Variants in KCNH7 observed in about 807,000 individuals in gnomAD.
The protein encoded by KCNH7 is potassium voltage-gated channel subfamily H member 7, also known as voltage-gated inwardly rectifying potassium channel KCNH7.
Under a neutral mutation model 120.8 loss-of-function variants are expected in KCNH7, and 49 were observed. That is an observed-to-expected ratio of 0.41 (90% CI 0.32 to 0.51). The LOEUF is 0.51. KCNH7 is among the 20% of genes least tolerant of loss of function. KCNH7 has a pLI of 0.38. For synonymous variants in KCNH7, 547 were observed against 516.1 expected, an observed-to-expected ratio of 1.06 and a Z score of -0.81; for missense variants, 1,097 against 1,446.6, an observed-to-expected ratio of 0.76 and a Z score of 3.92.
At chr2:162,414,145 A>T (rs1558932707) in intron 9 of KCNH7, among the ~76,000 whole-genome samples, 1 of 152,046 alleles carries the variant, frequency 6.6e-6, no homozygotes, top group African/African-American at 2.4e-5. Context: ...GGAAGGGGGA[A>T]AAGTACCAAC....
intron 2 of KCNH7, among the ~76,000 whole-genome samples, chr2:162,697,102 G>A (rs1314584393): frequency 1.3e-5 from 2 of 152,040 alleles, no homozygotes; most frequent in African/African-American, 2.4e-5. Flanking sequence ...ACCAATAAAT[G>A]TATAGGTCTA....
intron 2 of KCNH7, among the ~76,000 whole-genome samples, chr2:162,827,839 C>G (rs138469668): frequency 1.3e-5 from 2 of 152,086 alleles, no homozygotes; most frequent in African/African-American, 4.8e-5. Context: ...AATGGGATAA[C>G]GTCTGCTCCC....
At chr2:162,699,245 C>G (rs923043557) in intron 2 of KCNH7, among the ~76,000 whole-genome samples, 1 of 152,096 alleles carries the variant, frequency 6.6e-6, no homozygotes, top group African/African-American at 2.4e-5. Flanking sequence ...ACTGCAATCC[C>G]TGGTAACCAC....
At chr2:162,531,697 TAG>T (rs1691930605) in intron 3 of KCNH7, among the ~76,000 whole-genome samples, 1 of 151,960 alleles carries the variant, frequency 6.6e-6, no homozygotes, top group Non-Finnish European at 1.5e-5. Context: ...GTAATTCTGA[TAG>T]AGTTTTCTCC....
At chr2:162,830,702 G>A (rs755143662) in intron 2 of KCNH7, among the ~76,000 whole-genome samples, 5 of 152,040 alleles carry the variant, frequency 3.3e-5, no homozygotes, top group Non-Finnish European at 7.4e-5. Flanking sequence ...AGTCATATGG[G>A]CTCCACTCTC....
chr2:162,730,401 A>C (rs1374023232), intron 2 of KCNH7, among the ~76,000 whole-genome samples: 2 of 151,658 alleles, frequency 1.3e-5, no homozygotes, highest in East Asian at 3.9e-4. Flanking sequence ...TGGGAAATCA[A>C]CAAAACTAGG....
At position 162,542,425 on chromosome 2, in the gene KCNH7, G is replaced by A. The variant is rs1431249939; in HGVS notation, c.308-5345C>T. Reference sequence around the variant, plus strand: ...CTCCCCCCACCCCACAACAGTCCCCGGAGTGTGATGTTCCCCTTCCTGTGT... The same window carrying A: ...CTCCCCCCACCCCACAACAGTCCCCAGAGTGTGATGTTCCCCTTCCTGTGT... On this transcript the variant is annotated intron_variant, in intron 2 of 15. Coordinates refer to ENST00000332142, the MANE Select transcript of KCNH7 (RefSeq NM_033272.4). 1.6e-4 allele frequency among the ~76,000 whole-genome samples: 16 copies of A among 98,604 alleles called. No individual in the cohort carries two copies. In the East Asian group the frequency reaches 2.5e-3, roughly 15 times the overall value. The allele number at this position is 98,604 out of a possible 152,430, so 64.7% of individuals were successfully genotyped here.
chr2:162,684,485 A>T (rs1685817583), intron 2 of KCNH7, among the ~76,000 whole-genome samples: 1 of 152,198 alleles, frequency 6.6e-6, no homozygotes, highest in Non-Finnish European at 1.5e-5. Flanking sequence ...TCTAGAAAGA[A>T]CTTAAACAAA....
intron 2 of KCNH7, among the ~76,000 whole-genome samples, chr2:162,552,555 C>G (rs1692705805): frequency 6.6e-6 from 1 of 152,170 alleles, no homozygotes; most frequent in Admixed American, 6.5e-5. Context: ...AAATGAAAGA[C>G]TTAGACTCCC....
intron 2 of KCNH7, among the ~76,000 whole-genome samples, chr2:162,667,616 C>T (rs1685186652): frequency 6.6e-6 from 1 of 152,120 alleles, no homozygotes; most frequent in African/African-American, 2.4e-5. Flanking sequence ...GTTTGGAATA[C>T]CCTTCCCCTT....
rs1042668350 is a variant in KCNH7, at chr2:162,380,089, T to C, written c.2963-68A>G. ...CCTTTGCGTCAATAATTCATAGATA[T>C]CCACAAGACAAGCTGGAAAGGATCG... On this transcript the variant is annotated intron_variant, in intron 13 of 15. Coordinates refer to ENST00000332142, the MANE Select transcript of KCNH7 (RefSeq NM_033272.4). 4.4e-5 allele frequency: 68 copies of C among 1,539,402 alleles called. No homozygotes were observed. The Middle Eastern group carries it at 1.0e-3, about 23-fold the overall frequency.
At chr2:162,592,563 G>C (rs891782926) in intron 2 of KCNH7, among the ~76,000 whole-genome samples, 2 of 152,022 alleles carry the variant, frequency 1.3e-5, no homozygotes, top group Admixed American at 1.3e-4. Flanking sequence ...CAGGACTTAG[G>C]TGATCTGGCT....
At chr2:162,783,091 C>T (rs6729147) in intron 2 of KCNH7, among the ~76,000 whole-genome samples, 32,819 of 152,064 alleles carry the variant, frequency 0.22, 3,820 homozygotes, top group East Asian at 0.3. Flanking sequence ...CCACAAAGTC[C>T]TTCACTGTGG....
At chr2:162,473,074 G>A (rs1689614571) in intron 6 of KCNH7, among the ~76,000 whole-genome samples, 1 of 152,040 alleles carries the variant, frequency 6.6e-6, no homozygotes, top group Admixed American at 6.6e-5. Flanking sequence ...CCTGTTGTGG[G>A]GTAGGGGGAG....
At chr2:162,617,931 C>T (rs1007809720) in intron 2 of KCNH7, among the ~76,000 whole-genome samples, 1 of 151,734 alleles carries the variant, frequency 6.6e-6, no homozygotes, top group Non-Finnish European at 1.5e-5. Flanking sequence ...GAAATGAATA[C>T]TTATGATTTT....
intron 2 of KCNH7, among the ~76,000 whole-genome samples, chr2:162,574,862 T>C (rs903078151): frequency 6.6e-6 from 1 of 152,104 alleles, no homozygotes; most frequent in Non-Finnish European, 1.5e-5. Flanking sequence ...TCAGGTTGTG[T>C]AACAAAAGTC....
intron 2 of KCNH7, among the ~76,000 whole-genome samples, chr2:162,808,870 A>G (rs1015700874): frequency 6.6e-6 from 1 of 152,210 alleles, no homozygotes; most frequent in Non-Finnish European, 1.5e-5. Context: ...GGTGCAAAAC[A>G]GTCAGCTGCT....
intron 2 of KCNH7, among the ~76,000 whole-genome samples, chr2:162,734,696 A>G (rs1687840079): frequency 6.7e-6 from 1 of 148,228 alleles, no homozygotes; most frequent in Non-Finnish European, 1.5e-5. Context: ...ATTGGAGAGC[A>G]TTTTTTTTTT....
At chr2:162,738,236 G>A (rs1162293050) in intron 2 of KCNH7, among the ~76,000 whole-genome samples, 2 of 152,042 alleles carry the variant, frequency 1.3e-5, no homozygotes, top group South Asian at 2.1e-4. Flanking sequence ...ATATATATAT[G>A]TGTGTATGTA....
Sources: allele counts gnomAD v4.1 joint callset (sites outside exome capture counted in the v4.1 genomes callset), GRCh38; gene constraint gnomAD v4.1.1; transcripts MANE v1.5; gene names NCBI Gene and HGNC (gene_info 2026-07-23, HGNC 2026-07-21).